Variants in SCEL observed in about 807,000 individuals in gnomAD.
The protein encoded by SCEL is sciellin.
In SCEL, 113 loss-of-function variants were observed where a neutral mutation model predicts 117.6. The ratio of observed to expected loss-of-function variants is 0.96; its 90% CI spans 0.83 to 1.12. The LOEUF (loss-of-function observed/expected upper bound fraction) is 1.12. SCEL is among the 50% of genes most tolerant of loss of function. The probability of loss-of-function intolerance (pLI) is 0.00; values close to 1 mark genes in which losing one functional copy is unlikely to be tolerated. For synonymous variants in SCEL, 270 were observed against 256.2 expected (o/e 1.05, Z -0.51); for missense variants, 785 against 810.8 (o/e 0.97, Z 0.39).
chr13:77,555,911 A>G lies in SCEL; in HGVS notation c.36A>G (p.Thr12=), dbSNP rs1593912709. The G allele has an allele frequency of 1.2e-6, 2 of 1,613,386 alleles. No homozygotes were observed. Among genetic ancestry groups the G allele is most frequent in the Non-Finnish European group, 1.7e-6 (2 of 1,179,430 alleles). Residue 12 remains threonine, a synonymous_variant, in exon 2 of 33, where the codon ACA becomes ACG. Coordinates refer to ENST00000349847, the MANE Select transcript of SCEL (RefSeq NM_144777.3). Reference sequence around the variant, plus strand: ...TTACCTTGAGAAAAATGTCTCCCACAGGAAATGGTAATGTACATGATGTTT... The same window carrying G: ...TTACCTTGAGAAAAATGTCTCCCACGGGAAATGGTAATGTACATGATGTTT... ...SNVTLRKMSP[T]GNEMKSTTQG...
chr13:77,603,433 C>G (rs567627056), intron 18 of SCEL, among the ~76,000 whole-genome samples: 6 of 152,256 alleles, frequency 3.9e-5, no homozygotes, highest in African/African-American at 1.4e-4. Context: ...ACAAAATTTT[C>G]AAAGTGTATT....
At chr13:77,632,819 G>C (rs1334327475) in intron 28 of SCEL, among the ~76,000 whole-genome samples, 1 of 152,180 alleles carries the variant, frequency 6.6e-6, no homozygotes, top group East Asian at 1.9e-4. Flanking sequence ...CAGAAATCTA[G>C]GTCAGAGTTC....
At chr13:77,600,603 G>A (rs2087601204) in intron 15 of SCEL, among the ~76,000 whole-genome samples, 1 of 151,918 alleles carries the variant, frequency 6.6e-6, no homozygotes, top group Non-Finnish European at 1.5e-5. Context: ...TGAACTGATA[G>A]CATTTAAGAG....
intron 15 of SCEL, among the ~76,000 whole-genome samples, chr13:77,601,111 T>C (rs1459087634): frequency 5.1e-5 from 6 of 117,060 alleles, no homozygotes; most frequent in African/African-American, 2.3e-4. Flanking sequence ...TGAAAAACAG[T>C]CTCTTTTTTT....
intron 21 of SCEL, 87 bp from the exon 22 acceptor site, chr13:77,609,960 T>C: frequency 1.4e-6 from 1 of 704,164 alleles, no homozygotes; most frequent in Non-Finnish European, 2.1e-6. Context: ...ATAAATATTT[T>C]ATAATAAAAG....
chr13:77,570,526 T>C (rs1382557048), intron 8 of SCEL, among the ~76,000 whole-genome samples: 2 of 152,244 alleles, frequency 1.3e-5, no homozygotes, highest in Non-Finnish European at 1.5e-5. Flanking sequence ...ATTCCTTACA[T>C]TGAGCTGGAA....
chr13:77,561,022 C>T (rs1325320366), intron 4 of SCEL, among the ~76,000 whole-genome samples: 1 of 152,076 alleles, frequency 6.6e-6, no homozygotes, highest in African/African-American at 2.4e-5. Flanking sequence ...ATTTCATTTT[C>T]CTGATGCCAG....
In SCEL at chr13:77,602,722, TGAACA is replaced by T. The variant is rs750754894; in HGVS notation, c.1037+12_1037+16del. On this transcript the variant is annotated intron_variant, in intron 17 of 32. Coordinates refer to ENST00000349847, the MANE Select transcript of SCEL (RefSeq NM_144777.3). ...AATAAAACGAGCAGAAGGTGAGAAC[TGAACA>T]GATGTCTCTAAATATTGGTTATTTT... 6.2e-7 allele frequency: 1 copy of T among 1,608,494 alleles called. No homozygotes were observed. Among genetic ancestry groups the T allele is most frequent in the Non-Finnish European group, 8.5e-7 (1 of 1,175,180 alleles).
At chr13:77,541,410 A>T (rs919121258) in intron 1 of SCEL, among the ~76,000 whole-genome samples, 5 of 152,230 alleles carry the variant, frequency 3.3e-5, no homozygotes, top group African/African-American at 1.2e-4. Flanking sequence ...ATTTACGGAA[A>T]GAAACTCGAC....
At chr13:77,610,019 C>T (rs767933412) in intron 21 of SCEL, 28 bp from the exon 22 acceptor site, 5 of 1,526,120 alleles carry the variant, frequency 3.3e-6, no homozygotes, top group Non-Finnish European at 4.5e-6. Context: ...TTAAATCTAC[C>T]ACTGATCTGA....
chr13:77,601,496 G>T (rs1044992396), intron 15 of SCEL, among the ~76,000 whole-genome samples: 1 of 152,108 alleles, frequency 6.6e-6, no homozygotes. Flanking sequence ...AAAGAGATTA[G>T]CTTTCATATT....
At chr13:77,602,037 CTCTT>C in intron 15 of SCEL, 24 bp from the exon 16 acceptor site, 1 of 1,586,034 alleles carries the variant, frequency 6.3e-7, no homozygotes, top group Non-Finnish European at 8.6e-7. Context: ...CTCTCTCTTT[CTCTT>C]TCTTTTCCCC....
At chr13:77,634,695 G>A (rs1278297320) in intron 29 of SCEL, among the ~76,000 whole-genome samples, 1 of 152,070 alleles carries the variant, frequency 6.6e-6, no homozygotes, top group African/African-American at 2.4e-5. Context: ...ATACATAATA[G>A]GGTTGCCATT....
At chr13:77,628,319 A>G (rs983392513) in intron 28 of SCEL, among the ~76,000 whole-genome samples, 4 of 151,940 alleles carry the variant, frequency 2.6e-5, no homozygotes, top group Non-Finnish European at 5.9e-5. Context: ...GCATCATGGA[A>G]ATTCAAAGCT....
intron 20 of SCEL, 22 bp from the exon 21 acceptor site, chr13:77,609,035 GT>G: frequency 1.3e-6 from 2 of 1,545,648 alleles, no homozygotes; most frequent in Non-Finnish European, 1.8e-6. Context: ...TATTTATGAT[GT>G]TTTTTGTTTT....
intron 17 of SCEL, 142 bp downstream of exon 17, chr13:77,602,855 C>T (rs1036726465): frequency 1.4e-5 from 10 of 693,988 alleles, no homozygotes; most frequent in African/African-American, 9.0e-5. Context: ...AAAGAATCTA[C>T]AGTATATTCG....
At chr13:77,558,276 A>G (rs1715911001) in intron 3 of SCEL, among the ~76,000 whole-genome samples, 1 of 152,170 alleles carries the variant, frequency 6.6e-6, no homozygotes, top group Non-Finnish European at 1.5e-5. Context: ...AATGAAGGGA[A>G]AATTGGCTTT....
intron 19 of SCEL, 46 bp from the exon 20 acceptor site, chr13:77,608,010 A>G: frequency 1.4e-6 from 2 of 1,430,338 alleles, no homozygotes; most frequent in Non-Finnish European, 2.0e-6. Context: ...TCAGTCTACC[A>G]TTGTTACGTG....
At chr13:77,545,244 G>A (rs2083923722) in intron 1 of SCEL, among the ~76,000 whole-genome samples, 1 of 152,206 alleles carries the variant, frequency 6.6e-6, no homozygotes, top group Admixed American at 6.5e-5. Flanking sequence ...TAATTGGAAT[G>A]AAACTGAAAC....
Sources: gnomAD v4.1 joint callset for allele counts (sites outside exome capture counted in the v4.1 genomes callset) on GRCh38, gnomAD v4.1.1 for gene constraint, MANE v1.5 for transcripts, NCBI Gene and HGNC (gene_info 2026-07-23, HGNC 2026-07-21) for gene names.